Variants in CHIC2 observed in about 807,000 individuals in gnomAD.
CHIC2 encodes cysteine-rich hydrophobic domain-containing protein 2.
In CHIC2, 14 loss-of-function variants were observed where a neutral mutation model predicts 25.9. The observed-to-expected ratio is 0.54, with a 90% CI of 0.36 to 0.85. The LOEUF is 0.85. Ranked by LOEUF, CHIC2 falls within the 40% of genes least tolerant of loss-of-function variation. The pLI is 0.01. For synonymous variants in CHIC2, 70 were observed against 72.0 expected (o/e 0.97, Z 0.14); for missense variants, 146 against 202.0 (o/e 0.72, Z 1.68).
At chr4:54,080,972 A>G in the CHIC2 span, among the ~76,000 whole-genome samples, 1 of 135,846 alleles carries the variant, frequency 7.4e-6, no homozygotes, top group South Asian at 2.3e-4. Context: ...ATATATATAT[A>G]TATATATATA....
chr4:54,021,803 A>G (rs1290977420), intron 3 of CHIC2, among the ~76,000 whole-genome samples: 1 of 152,054 alleles, frequency 6.6e-6, no homozygotes, highest in African/African-American at 2.4e-5. Context: ...TATTCTCAAT[A>G]TACATTTTAT....
chr4:54,010,283 T>A (rs1026648844), intron 5 of CHIC2, 138 bp from the exon 6 acceptor site: 46 of 602,394 alleles, frequency 7.6e-5, no homozygotes, highest in Middle Eastern at 4.6e-4. Flanking sequence ...AACAGATCTT[T>A]ATCTGATAAT....
At chr4:54,012,184 G>T (rs188040368) in intron 5 of CHIC2, among the ~76,000 whole-genome samples, 1 of 151,690 alleles carries the variant, frequency 6.6e-6, no homozygotes, top group Non-Finnish European at 1.5e-5. Flanking sequence ...ACTCCTAGAC[G>T]CAAGTGATCC....
chr4:54,071,018 G>T, the CHIC2 span, among the ~76,000 whole-genome samples: 1 of 152,118 alleles, frequency 6.6e-6, no homozygotes, highest in African/African-American at 2.4e-5. Context: ...AATGCTTTAG[G>T]ATTGATGTAT....
chr4:54,046,818 G>C (rs1307256177), intron 3 of CHIC2, among the ~76,000 whole-genome samples: 1 of 152,184 alleles, frequency 6.6e-6, no homozygotes, highest in African/African-American at 2.4e-5. Context: ...TTAAACTAAA[G>C]AGCTTCTGCA....
intron 3 of CHIC2, among the ~76,000 whole-genome samples, chr4:54,015,743 T>C (rs1715719049): frequency 6.6e-6 from 1 of 152,194 alleles, no homozygotes; most frequent in African/African-American, 2.4e-5. Context: ...GTCTCGTCAA[T>C]GACTTTGTGA....
At chr4:54,010,240 T>G in intron 5 of CHIC2, 95 bp from the exon 6 acceptor site, 2 of 850,052 alleles carry the variant, frequency 2.4e-6, no homozygotes, top group South Asian at 3.2e-5. Context: ...TGAAAATCCA[T>G]TCACATTTTA....
chr4:54,058,559 T>TACACACACACACACAC (rs36034143), intron 1 of CHIC2, among the ~76,000 whole-genome samples: 6 of 138,574 alleles, frequency 4.3e-5, no homozygotes, highest in East Asian at 2.1e-4. Context: ...TACACACACA[T>TACACACACACACACAC]ACACACACAC....
At chr4:54,014,803 C>G (rs2110059419) in intron 3 of CHIC2, among the ~76,000 whole-genome samples, 1 of 152,190 alleles carries the variant, frequency 6.6e-6, no homozygotes, top group Admixed American at 6.5e-5. Flanking sequence ...TGAAATGTTT[C>G]TTGCTTGAGA....
rs768012199 is a variant in CHIC2 at position 54,010,104 on chromosome 4, T to A, written c.489A>T (p.Arg163=). ...ATAAATAAAGTAAATGCTAATCTGG[T>A]CGAAAAATCGGTGTCTTTGGTAAAA... ...IEFLPKTPIF[R]PD Residue 163 remains arginine (R), a synonymous_variant, in exon 6 of 6, where the codon CGA becomes CGT. Transcript: ENST00000263921. 2 of 1,604,400 alleles carry A rather than the reference T, an allele frequency of 1.2e-6. No homozygotes were observed. The highest frequency in any genetic ancestry group is 1.7e-6 in the Non-Finnish European group (2 of 1,171,848).
the CHIC2 span, chr4:54,087,591 G>C: frequency 2.5e-6 from 2 of 813,398 alleles, no homozygotes; most frequent in African/African-American, 3.6e-5. Context: ...CAGGTTTAAG[G>C]GGCACACACC....
At chr4:54,078,751 G>A in the CHIC2 span, among the ~76,000 whole-genome samples, 1 of 151,898 alleles carries the variant, frequency 6.6e-6, no homozygotes, top group African/African-American at 2.4e-5. Flanking sequence ...CTGACCTCAA[G>A]TGATCTGCCC....
At chr4:54,053,273 C>T (rs1717063897) in intron 1 of CHIC2, among the ~76,000 whole-genome samples, 1 of 152,132 alleles carries the variant, frequency 6.6e-6, no homozygotes, top group African/African-American at 2.4e-5. Context: ...TATTCCTACC[C>T]TGGCTGGGTG....
the CHIC2 span, among the ~76,000 whole-genome samples, chr4:54,089,830 C>G: frequency 6.6e-6 from 1 of 152,084 alleles, no homozygotes; most frequent in Non-Finnish European, 1.5e-5. Flanking sequence ...TAGCCTGATG[C>G]TAGAGGAGAA....
At chr4:54,057,778 A>C (rs926346034) in intron 1 of CHIC2, among the ~76,000 whole-genome samples, 13 of 152,186 alleles carry the variant, frequency 8.5e-5, no homozygotes, top group Non-Finnish European at 2.9e-5. Context: ...AGCAAAAAAT[A>C]CTCTGAGAAA....
chr4:54,053,545 A>G (rs1210448634), intron 1 of CHIC2, among the ~76,000 whole-genome samples: 1 of 136,532 alleles, frequency 7.3e-6, no homozygotes, highest in Non-Finnish European at 1.5e-5. Context: ...GACAACAGTG[A>G]GACTCAGTCT....
the CHIC2 span, among the ~76,000 whole-genome samples, chr4:54,083,575 C>A: frequency 2.0e-5 from 3 of 152,246 alleles, no homozygotes. Flanking sequence ...CCCCACTGAC[C>A]CATTTGTCTT....
At chr4:54,081,908 T>A in the CHIC2 span, among the ~76,000 whole-genome samples, 1 of 152,306 alleles carries the variant, frequency 6.6e-6, no homozygotes, top group South Asian at 2.1e-4. Context: ...GAAGCCATAG[T>A]TTTGAATAGC....
In CHIC2 at chr4:54,038,570, A is replaced by C. The variant is rs1716463920; in HGVS notation, c.330+10385T>G. On this transcript the variant is annotated intron_variant, in intron 3 of 5. Transcript: ENST00000263921. ...TCTCTCCAATTCATCTGTAAATTGA[A>C]TGTAATTCCAATCAAATACCAGTGT... Among the ~76,000 whole-genome samples, 4 of 152,246 alleles carry C rather than the reference A, an allele frequency of 2.6e-5. No individual in the cohort carries two copies. The South Asian group carries it at 8.3e-4, about 32-fold the overall frequency.
Sources: gnomAD v4.1 joint callset for allele counts (sites outside exome capture counted in the v4.1 genomes callset) on GRCh38, gnomAD v4.1.1 for gene constraint, MANE v1.5 for transcripts, NCBI Gene and HGNC (gene_info 2026-07-23, HGNC 2026-07-21) for gene names.